Variants in RBBP5 observed in about 807,000 individuals in gnomAD.
RBBP5 encodes the protein RB binding protein 5, histone lysine methyltransferase complex subunit.
RBBP5 carries 5 observed loss-of-function variants against 72.2 expected under a neutral mutation model. The ratio of observed to expected loss-of-function variants is 0.07; its 90% CI spans 0.04 to 0.15. RBBP5 has a LOEUF of 0.15. Among genes scored for constraint, RBBP5 ranks in the 10% least tolerant of loss-of-function variants. RBBP5 has a pLI of 1.00. For missense variants in RBBP5, 322 were observed against 652.2 expected (o/e 0.49, Z 5.51); for synonymous variants, 209 against 237.2 (o/e 0.88, Z 1.09).
chr1:205,108,371 A>T (rs1212110038), intron 3 of RBBP5, among the ~76,000 whole-genome samples: 1 of 152,242 alleles, frequency 6.6e-6, no homozygotes, highest in African/African-American at 2.4e-5. Flanking sequence ...CACACAAGAA[A>T]GGACAAGGGG....
At chr1:205,091,514 C>T (rs1246280221) in intron 13 of RBBP5, 1 of 152,158 alleles carries the variant, frequency 6.6e-6, no homozygotes, top group African/African-American at 2.4e-5. Context: ...TGACAGGAAA[C>T]AATTTTCTAT....
chr1:205,101,908 T>G (rs1158110778), intron 5 of RBBP5, among the ~76,000 whole-genome samples, 199 bp from the exon 6 acceptor site: 1 of 151,588 alleles, frequency 6.6e-6, no homozygotes, highest in East Asian at 1.9e-4. Context: ...TTTTTTTTTT[T>G]TTTTTGAAAC....
intron 1 of RBBP5, among the ~76,000 whole-genome samples, chr1:205,117,391 T>G (rs969803414): frequency 1.9e-4 from 29 of 152,076 alleles, no homozygotes; most frequent in Non-Finnish European, 4.0e-4. Context: ...GCCCGTGTGG[T>G]GGCTCATGCC....
chr1:205,111,019 G>A (rs112816523), intron 3 of RBBP5, among the ~76,000 whole-genome samples: 1,771 of 152,256 alleles, frequency 0.012, 45 homozygotes, highest in African/African-American at 0.041. Flanking sequence ...AGCCGAGATC[G>A]TGCCACTGCA....
intron 1 of RBBP5, chr1:205,116,143 G>C: frequency 1.7e-6 from 1 of 584,028 alleles, no homozygotes; most frequent in Non-Finnish European, 2.9e-6. Context: ...AGAAGCAGAT[G>C]TGAGAAGTCC....
intron 4 of RBBP5, among the ~76,000 whole-genome samples, chr1:205,104,515 T>G (rs147623443): frequency 6.8e-6 from 1 of 147,886 alleles, no homozygotes; most frequent in Admixed American, 6.9e-5. Flanking sequence ...GCAGCGAGAC[T>G]CCATCTCAAA....
At chr1:205,101,517 T>C (rs1655821215) in intron 6 of RBBP5, 83 bp downstream of exon 6, 1 of 965,538 alleles carries the variant, frequency 1.0e-6, no homozygotes, top group Non-Finnish European at 1.5e-6. Context: ...AAGTATAATA[T>C]ACATGAAAAC....
chr1:205,093,804 T>C (rs1446145417), intron 13 of RBBP5, among the ~76,000 whole-genome samples: 2 of 151,974 alleles, frequency 1.3e-5, no homozygotes, highest in Non-Finnish European at 2.9e-5. Context: ...TTACAGACAA[T>C]GATTAAATGA....
intron 3 of RBBP5, among the ~76,000 whole-genome samples, chr1:205,107,674 G>A (rs982314521): frequency 6.6e-6 from 1 of 152,096 alleles, no homozygotes; most frequent in Non-Finnish European, 1.5e-5. Flanking sequence ...AGCCAGGTGC[G>A]GTGGCTCACG....
chr1:205,101,861 G>T (rs548014358), intron 5 of RBBP5, 152 bp from the exon 6 acceptor site: 1 of 486,758 alleles, frequency 2.1e-6, no homozygotes. Flanking sequence ...TTGCTGTTTT[G>T]CTTCCTTAAG....
chr1:205,106,439 T>C (rs1329935365), intron 3 of RBBP5, among the ~76,000 whole-genome samples: 3 of 151,950 alleles, frequency 2.0e-5, no homozygotes, highest in Non-Finnish European at 4.4e-5. Context: ...CTACTAAAAA[T>C]ACAAAAAATT....
chr1:205,090,096 C>T (rs1342751779), intron 13 of RBBP5, among the ~76,000 whole-genome samples: 10 of 152,190 alleles, frequency 6.6e-5, no homozygotes, highest in Admixed American at 3.9e-4. Context: ...TCGAGTGATC[C>T]ACCCGCCTCG....
At chr1:205,116,578 G>T (rs1317894719) in intron 1 of RBBP5, among the ~76,000 whole-genome samples, 1 of 152,180 alleles carries the variant, frequency 6.6e-6, no homozygotes, top group East Asian at 1.9e-4. Context: ...CAGAACTTTG[G>T]GAGGCCAAGT....
intron 13 of RBBP5, among the ~76,000 whole-genome samples, chr1:205,093,458 C>CCAAAAAAA (rs1553352080): frequency 0.011 from 203 of 18,316 alleles, 38 homozygotes; most frequent in Non-Finnish European, 0.012. Context: ...AACTCCGTTT[C>CCAAAAAAA]AAAAAAAAAA....
chr1:205,106,875 A>G (rs1656085763), intron 3 of RBBP5, among the ~76,000 whole-genome samples: 1 of 152,210 alleles, frequency 6.6e-6, no homozygotes, highest in South Asian at 2.1e-4. Context: ...CAGAAGATAC[A>G]GAGAAGAACC....
At chr1:205,088,927 G>A in intron 13 of RBBP5, 112 bp from the exon 14 acceptor site, 4 of 928,520 alleles carry the variant, frequency 4.3e-6, no homozygotes, top group Non-Finnish European at 6.3e-6. Context: ...CGTGGACCAA[G>A]AAATTCCCCT....
chr1:205,107,933 C>A (rs1417789594), intron 3 of RBBP5, among the ~76,000 whole-genome samples: 12 of 53,132 alleles, frequency 2.3e-4, no homozygotes, highest in African/African-American at 2.2e-4. Flanking sequence ...GTAACAAGAG[C>A]AAAAATCTGT....
intron 6 of RBBP5, among the ~76,000 whole-genome samples, chr1:205,101,150 A>G (rs1026047162): frequency 2.0e-5 from 3 of 152,184 alleles, no homozygotes; most frequent in Non-Finnish European, 4.4e-5. Flanking sequence ...TAGGAGGACT[A>G]TTACCTCTTA....
chr1:205,121,713 C>G lies in RBBP5; in HGVS notation c.19+142G>C, dbSNP rs562645003. On this transcript the variant is annotated intron_variant, in intron 1 of 13. Coordinates refer to ENST00000264515, the MANE Select transcript of RBBP5 (RefSeq NM_005057.4). Reference sequence around the variant, plus strand: ...GGGCAGAAGGTGGGCTTCCTCCTCCCGCTGCTGCTCCACATCAGGTGTGCC... The same window carrying G: ...GGGCAGAAGGTGGGCTTCCTCCTCCGGCTGCTGCTCCACATCAGGTGTGCC... 763 of 1,367,128 alleles carry G rather than the reference C, an allele frequency of 5.6e-4. 1 individual carries two copies. The highest frequency in any genetic ancestry group is 7.5e-4 in the Non-Finnish European group (739 of 979,092). The allele number at this position is 1,367,128 out of a possible 1,614,324, so 84.7% of individuals were successfully genotyped here. A position where few individuals can be genotyped will look rare whatever the true frequency, so the allele number is the denominator to read the frequency against.
Sources: allele counts gnomAD v4.1 joint callset (sites outside exome capture counted in the v4.1 genomes callset), GRCh38; gene constraint gnomAD v4.1.1; transcripts MANE v1.5; gene names NCBI Gene and HGNC (gene_info 2026-07-23, HGNC 2026-07-21).